RNF2: variants seen among roughly 807,000 people sequenced by gnomAD.
RNF2 encodes the protein ring finger protein 2.
A neutral mutation model predicts 37.2 loss-of-function variants in RNF2; 6 were observed. That is an observed-to-expected ratio of 0.16 (90% CI 0.09 to 0.32). RNF2 has a LOEUF of 0.32. Among genes scored for constraint, RNF2 ranks in the 10% least tolerant of loss-of-function variants. RNF2 has a pLI of 1.00. For missense variants in RNF2, 251 were observed against 404.0 expected, an observed-to-expected ratio of 0.62 and a Z score of 3.25; for synonymous variants, 133 against 132.7, an observed-to-expected ratio of 1.00 and a Z score of -0.02.
chr1:185,057,928 C>T (rs1650483038), intron 1 of RNF2, among the ~76,000 whole-genome samples: 1 of 152,034 alleles, frequency 6.6e-6, no homozygotes. Context: ...TGTTTGAGAC[C>T]AGGCTTGGCA....
chr1:185,100,317 T>A lies in RNF2; in HGVS notation c.*16T>A. 1 of 1,559,146 alleles carries A rather than the reference T, an allele frequency of 6.4e-7. No homozygotes were observed. Among genetic ancestry groups the A allele is most frequent in the Non-Finnish European group, 8.7e-7 (1 of 1,146,744 alleles). On this transcript the variant is annotated 3_prime_UTR_variant, in exon 7 of 7. Transcript: ENST00000367510. ...GCACAAATGAGCCTTTAAAAACCAA[T>A]TCTGAGACTGAACTTTTTTATAGCC...
chr1:185,080,527 C>T (rs1489363376), intron 1 of RNF2, among the ~76,000 whole-genome samples: 1 of 152,066 alleles, frequency 6.6e-6, no homozygotes, highest in Non-Finnish European at 1.5e-5. Context: ...AGACTTTGCC[C>T]CTATTTTTGG....
At chr1:185,062,019 T>G (rs1650621382) in intron 1 of RNF2, among the ~76,000 whole-genome samples, 1 of 152,256 alleles carries the variant, frequency 6.6e-6, no homozygotes, top group Admixed American at 6.5e-5. Context: ...TACTCCTGTT[T>G]CAGTAACCAG....
intron 4 of RNF2, among the ~76,000 whole-genome samples, chr1:185,095,181 CTT>C (rs1651876942): frequency 6.6e-6 from 1 of 152,192 alleles, no homozygotes; most frequent in Admixed American, 6.5e-5. Context: ...GTTGGAAGGA[CTT>C]TAATGGTTGT....
At chr1:185,085,145 CT>C (rs71555455) in intron 1 of RNF2, among the ~76,000 whole-genome samples, 11,175 of 102,920 alleles carry the variant, frequency 0.11, 253 homozygotes, top group East Asian at 0.27. Context: ...CTTTCTTTTT[CT>C]TTTTTTTTTT....
At chr1:185,096,520 A>C (rs571975380) in intron 4 of RNF2, among the ~76,000 whole-genome samples, 1 of 150,334 alleles carries the variant, frequency 6.7e-6, no homozygotes, top group African/African-American at 2.4e-5. Flanking sequence ...TTCTTTAGAT[A>C]CCTCACATAA....
intron 1 of RNF2, among the ~76,000 whole-genome samples, chr1:185,054,855 G>A (rs1243885046): frequency 6.6e-6 from 1 of 151,980 alleles, no homozygotes; most frequent in Non-Finnish European, 1.5e-5. Context: ...GCGCCGCCAC[G>A]CCCGGCTATT....
At chr1:185,081,700 G>A (rs1447945471) in intron 1 of RNF2, among the ~76,000 whole-genome samples, 7 of 151,992 alleles carry the variant, frequency 4.6e-5, no homozygotes, top group East Asian at 1.9e-4. Flanking sequence ...GTGAGCCACC[G>A]TGCCTGGCCT....
chr1:185,085,611 ACTT>A (rs1248108990), intron 1 of RNF2, among the ~76,000 whole-genome samples: 1 of 150,338 alleles, frequency 6.7e-6, no homozygotes, highest in African/African-American at 2.4e-5. Flanking sequence ...CTTCTATACT[ACTT>A]GAGTTTTTGT....
chr1:185,067,684 A>T (rs1016242429), intron 1 of RNF2, among the ~76,000 whole-genome samples: 1 of 151,052 alleles, frequency 6.6e-6, no homozygotes, highest in Non-Finnish European at 1.5e-5. Flanking sequence ...GGGAAATGGG[A>T]TAATTAAGTA....
intron 1 of RNF2, among the ~76,000 whole-genome samples, chr1:185,062,508 A>C (rs1369059898): frequency 1.3e-5 from 2 of 152,152 alleles, no homozygotes; most frequent in African/African-American, 4.8e-5. Context: ...CATTACATGG[A>C]ATGGAGTAGC....
chr1:185,075,170 T>A (rs917578864), intron 1 of RNF2, among the ~76,000 whole-genome samples: 5 of 152,128 alleles, frequency 3.3e-5, no homozygotes, highest in African/African-American at 1.2e-4. Context: ...ATTTTTTTAT[T>A]TTTAGTAGAG....
At chr1:185,059,404 G>C (rs531337654) in intron 1 of RNF2, among the ~76,000 whole-genome samples, 5 of 152,236 alleles carry the variant, frequency 3.3e-5, no homozygotes, top group African/African-American at 1.2e-4. Context: ...AATAGTGGGA[G>C]TTGAAATACT....
chr1:185,101,053 A>G lies in RNF2; in HGVS notation c.*752A>G, dbSNP rs1557977497. On this transcript the variant is annotated 3_prime_UTR_variant, in exon 7 of 7. Coordinates refer to ENST00000367510, the MANE Select transcript of RNF2 (RefSeq NM_007212.4). ...AATTGGTAGTAAAATATAGTCTTCA[A>G]GTATACGTTTGAGAGTGCTTTTTTT... The G allele has an allele frequency of 1.3e-5, 2 of 152,634 alleles. 1 individual carries two copies. The highest frequency in any genetic ancestry group is 3.9e-4 in the East Asian group (2 of 5,176). The allele number at this position is 152,634 out of a possible 1,614,324, so 9.5% of individuals were successfully genotyped here.
At chr1:185,060,484 T>C (rs946514793) in intron 1 of RNF2, among the ~76,000 whole-genome samples, 9 of 152,228 alleles carry the variant, frequency 5.9e-5, no homozygotes, top group African/African-American at 2.2e-4. Context: ...TCAAAATTTT[T>C]CTGTTCTGCT....
chr1:185,100,706 CT>C lies in RNF2; in HGVS notation c.*414del, dbSNP rs1029788782. On this transcript the variant is annotated 3_prime_UTR_variant, in exon 7 of 7. Transcript: ENST00000367510. ...GAATGTTAAATATTATGTATTCTGA[CT>C]TTTTTTTTCCCCCGGAGTCTTGTAT... The C allele has an allele frequency of 6.6e-5, 10 of 152,656 alleles. No individual in the cohort carries two copies. The highest frequency in any genetic ancestry group is 8.7e-5 in the Non-Finnish European group (6 of 68,572). 9.5% of individuals were successfully genotyped at this position (152,656 alleles called of 1,614,324 possible). A position where few individuals can be genotyped will look rare whatever the true frequency, so the allele number is the denominator to read the frequency against.
rs1249984334 is a variant in RNF2 at position 185,101,889 on chromosome 1, A to G, written c.*1588A>G. The G allele has an allele frequency of 6.8e-6, 1 of 147,916 alleles. No individual in the cohort carries two copies. Among genetic ancestry groups the G allele is most frequent in the African/African-American group, 2.6e-5 (1 of 39,058 alleles). The allele number at this position is 147,916 out of a possible 1,614,324, so 9.2% of individuals were successfully genotyped here. ...GCCATGAAATTTGAAAACCACCAAAAATCAAGGGAACTTTTATATATTCAA... is the reference window on the plus strand; with the variant it reads ...GCCATGAAATTTGAAAACCACCAAAGATCAAGGGAACTTTTATATATTCAA... On this transcript the variant is annotated 3_prime_UTR_variant, in exon 7 of 7. Transcript: ENST00000367510.
chr1:185,079,940 A>G (rs1357954800), intron 1 of RNF2, among the ~76,000 whole-genome samples: 1 of 152,152 alleles, frequency 6.6e-6, no homozygotes, highest in Non-Finnish European at 1.5e-5. Context: ...GAAAAAAAAA[A>G]AAGCCAATTG....
chr1:185,054,595 C>G (rs949947365), intron 1 of RNF2, among the ~76,000 whole-genome samples: 1 of 152,228 alleles, frequency 6.6e-6, no homozygotes, highest in Non-Finnish European at 1.5e-5. Flanking sequence ...ACCCCGAGGC[C>G]ACGCCTCTAG....
Sources: allele counts gnomAD v4.1 joint callset (sites outside exome capture counted in the v4.1 genomes callset), GRCh38; gene constraint gnomAD v4.1.1; transcripts MANE v1.5; gene names NCBI Gene and HGNC (gene_info 2026-07-23, HGNC 2026-07-21).